Variants in RAB11FIP5 observed in about 807,000 individuals in gnomAD.
RAB11FIP5 encodes the protein RAB11 family interacting protein 5.
RAB11FIP5 carries 48 observed loss-of-function variants against 85.1 expected under a neutral mutation model. The ratio of observed to expected loss-of-function variants is 0.56; its 90% CI spans 0.45 to 0.72. The LOEUF is 0.72. Ranked by LOEUF, RAB11FIP5 falls within the 30% of genes least tolerant of loss-of-function variation. The pLI is 0.00. For synonymous variants in RAB11FIP5, 729 were observed against 727.3 expected, an observed-to-expected ratio of 1.00 and a Z score of -0.04; for missense variants, 1,491 against 1,687.0, an observed-to-expected ratio of 0.88 and a Z score of 2.04.
rs1208934291 is a variant in RAB11FIP5, at chr2:73,079,964, T to C, written c.3268A>G (p.Ile1090Val). The C allele has an allele frequency of 2.4e-6, 3 of 1,232,070 alleles. No individual in the cohort carries two copies. The highest frequency in any genetic ancestry group is 2.0e-6 in the Non-Finnish European group (2 of 988,028). 76.3% of individuals were successfully genotyped at this position (1,232,070 alleles called of 1,614,324 possible). A position where few individuals can be genotyped will look rare whatever the true frequency, so the allele number is the denominator to read the frequency against. Residue 1090 changes from isoleucine (I) to valine (V), a missense_variant, in exon 4 of 6, where the codon ATT (isoleucine) becomes GTT (valine). Physicochemically the swap from Ile to Val is conservative, Grantham distance 29. Coordinates refer to ENST00000486777, the MANE Select transcript of RAB11FIP5 (RefSeq NM_001371272.1). Reference protein sequence around the residue: ...ASPPGSRESSIHSGPEELPTP... With the variant: ...ASPPGSRESSVHSGPEELPTP... ...GGCAGCTCTTCTGGACCAGAATGAATAGAAGATTCCCTCGACCCTGGCGGG... is the reference window on the plus strand; with the variant it reads ...GGCAGCTCTTCTGGACCAGAATGAACAGAAGATTCCCTCGACCCTGGCGGG...
In RAB11FIP5 at chr2:73,112,780, C is replaced by G. The variant is rs1315368590; in HGVS notation, c.-3G>C. ...TCCGCGCCCCGCACCAGGGCCATGG[C>G]GGAGAAGCGGGGGGCGAGGTCTGGC... On this transcript the variant is annotated 5_prime_UTR_variant, in exon 1 of 6. Transcript: ENST00000486777. 7.0e-7 allele frequency: 1 copy of G among 1,424,862 alleles called. No individual in the cohort carries two copies. Among genetic ancestry groups the G allele is most frequent in the Non-Finnish European group, 9.1e-7 (1 of 1,098,146 alleles). 88.3% of individuals were successfully genotyped at this position (1,424,862 alleles called of 1,614,324 possible).
intron 3 of RAB11FIP5, among the ~76,000 whole-genome samples, chr2:73,087,368 C>T (rs1000627100): frequency 6.6e-6 from 1 of 152,196 alleles, no homozygotes; most frequent in Non-Finnish European, 1.5e-5. Flanking sequence ...ATATTCAAAA[C>T]AAAACAGCTG....
intron 1 of RAB11FIP5, among the ~76,000 whole-genome samples, chr2:73,100,678 G>A (rs1286496479): frequency 1.3e-5 from 2 of 152,008 alleles, no homozygotes; most frequent in Non-Finnish European, 2.9e-5. Context: ...CATCTGCCTC[G>A]GCTTCCCAAA....
chr2:73,082,040 C>CTT (rs11409259), intron 3 of RAB11FIP5, among the ~76,000 whole-genome samples: 2,161 of 129,854 alleles, frequency 0.017, 33 homozygotes, highest in Non-Finnish European at 0.021. Context: ...CCTTACATCC[C>CTT]TTTTTTTTTT....
chr2:73,107,963 G>C (rs750659950), intron 1 of RAB11FIP5, among the ~76,000 whole-genome samples: 1 of 152,206 alleles, frequency 6.6e-6, no homozygotes, highest in Non-Finnish European at 1.5e-5. Flanking sequence ...TGTGGGCTAC[G>C]GGATAGATGG....
intron 3 of RAB11FIP5, among the ~76,000 whole-genome samples, chr2:73,087,210 G>A (rs1684107914): frequency 1.3e-5 from 2 of 152,206 alleles, no homozygotes; most frequent in South Asian, 4.1e-4. Context: ...CCCTTGGGAA[G>A]GTGCGACACA....
intron 3 of RAB11FIP5, among the ~76,000 whole-genome samples, chr2:73,085,801 T>C (rs944598456): frequency 2.6e-5 from 4 of 152,194 alleles, no homozygotes; most frequent in African/African-American, 9.6e-5. Context: ...CAGTGCCACA[T>C]GGGAGCACTA....
intron 1 of RAB11FIP5, among the ~76,000 whole-genome samples, chr2:73,101,052 T>C (rs919165006): frequency 3.0e-5 from 4 of 135,460 alleles, no homozygotes; most frequent in African/African-American, 1.1e-4. Context: ...TGGGGGGGAT[T>C]TGGAATGCTG....
chr2:73,089,879 GTA>G lies in RAB11FIP5; in HGVS notation c.432-566_432-565del, dbSNP rs1373397878. ...AATGCTAGTGCATACACTCATGTAT[GTA>G]TACACACACACACACACACACACAC... On this transcript the variant is annotated intron_variant, in intron 1 of 5. Coordinates refer to ENST00000486777, the MANE Select transcript of RAB11FIP5 (RefSeq NM_001371272.1). The surrounding 1 kb of genome is among the most constrained non-coding windows in gnomAD (Gnocchi z 4.6). 1.1e-5 allele frequency among the ~76,000 whole-genome samples: 1 copy of G among 88,558 alleles called. No individual in the cohort carries two copies. Among genetic ancestry groups the G allele is most frequent in the Non-Finnish European group, 2.4e-5 (1 of 42,490 alleles). The allele number at this position is 88,558 out of a possible 152,430, so 58.1% of individuals were successfully genotyped here.
At chr2:73,099,914 G>A (rs910515074) in intron 1 of RAB11FIP5, among the ~76,000 whole-genome samples, 12 of 152,190 alleles carry the variant, frequency 7.9e-5, no homozygotes, top group Non-Finnish European at 1.6e-4. Flanking sequence ...CCACCCTGGG[G>A]ACAAGGAGCC....
rs1683849307 is a variant in RAB11FIP5, at chr2:73,075,899, C to G, written c.3771+94G>C. 1 of 1,493,892 alleles carries G rather than the reference C, an allele frequency of 6.7e-7. No homozygotes were observed. Among genetic ancestry groups the G allele is most frequent in the African/African-American group, 1.4e-5 (1 of 71,908 alleles). The allele number at this position is 1,493,892 out of a possible 1,614,324, so 92.5% of individuals were successfully genotyped here. On this transcript the variant is annotated intron_variant, in intron 5 of 5. Coordinates refer to ENST00000486777, the MANE Select transcript of RAB11FIP5 (RefSeq NM_001371272.1). The surrounding 1 kb of genome is among the most constrained non-coding windows in gnomAD (Gnocchi z 4.6). ...GCTTCAGGACTCTGATATGGGGGAC[C>G]TGGCCTGCTCCCTGCCCCACCCTCA...
In RAB11FIP5 at chr2:73,081,749, G is replaced by A. The variant is rs999564224; in HGVS notation, c.1569-86C>T. On this transcript the variant is annotated intron_variant, in intron 3 of 5. Transcript: ENST00000486777. The surrounding 1 kb of genome is among the most constrained non-coding windows in gnomAD (Gnocchi z 4.2). ...AGTCCCACGCCCCACCCCCTGCTTC[G>A]GGACCAGGGGCCATAACACACACAT... 10 of 1,152,302 alleles carry A rather than the reference G, an allele frequency of 8.7e-6. No homozygotes were observed. The highest frequency in any genetic ancestry group is 4.8e-5 in the African/African-American group (3 of 62,628). 71.4% of individuals were successfully genotyped at this position (1,152,302 alleles called of 1,614,324 possible). A position where few individuals can be genotyped will look rare whatever the true frequency, so the allele number is the denominator to read the frequency against.
In RAB11FIP5 at chr2:73,080,095, A is replaced by T; in HGVS notation, c.3137T>A (p.Leu1046Ter). 1 of 1,232,136 alleles carries T rather than the reference A, an allele frequency of 8.1e-7. No homozygotes were observed. Among genetic ancestry groups the T allele is most frequent in the Non-Finnish European group, 1.0e-6 (1 of 988,014 alleles). 76.3% of individuals were successfully genotyped at this position (1,232,136 alleles called of 1,614,324 possible). Residue 1046 changes from leucine (L) to a stop codon, truncating the protein, a stop_gained, in exon 4 of 6, where the codon TTG (leucine) becomes TAG (stop). Coordinates refer to ENST00000486777, the MANE Select transcript of RAB11FIP5 (RefSeq NM_001371272.1). LOFTEE classifies it high-confidence loss of function. ...ATCAGCCTGCTGGGAGGTGGCTGAC[A>T]AGGACCCAAGCCCCTCTCCTACTGG... ...QDPVGEGLGSLSATSQQADVW... is the reference protein window; with the variant it reads ...QDPVGEGLGS
chr2:73,076,276 G>A, intron 4 of RAB11FIP5, 94 bp from the exon 5 acceptor site: 1 of 1,237,776 alleles, frequency 8.1e-7, no homozygotes, highest in East Asian at 2.3e-5. Context: ...CAGGTCTGCT[G>A]GACAGAAAGC....
intron 1 of RAB11FIP5, among the ~76,000 whole-genome samples, chr2:73,107,870 G>A (rs1394278142): frequency 6.6e-6 from 1 of 152,130 alleles, no homozygotes; most frequent in Non-Finnish European, 1.5e-5. Context: ...TTTCCCGAGG[G>A]GCAGAGTCAC....
In RAB11FIP5 at chr2:73,089,225, G is replaced by A. The variant is rs1251669612; in HGVS notation, c.522C>T (p.Ser174=). ...VTIQFTRNNL[S]ASMFDLSMKD... is the part of the protein sequence containing the mutation. ...TCATGGACAGGTCAAACATACTGGC[G>A]CTCAGGTTGTTGCGCGTGAACTGGA... The change falls in exon 2 of 6, where the codon AGC becomes AGT. Residue 174 remains serine (S), a synonymous_variant. Coordinates refer to ENST00000486777, the MANE Select transcript of RAB11FIP5 (RefSeq NM_001371272.1). The surrounding 1 kb of genome is among the most constrained non-coding windows in gnomAD (Gnocchi z 4.6). 13 of 1,614,026 alleles carry A rather than the reference G, an allele frequency of 8.1e-6. No individual in the cohort carries two copies. The highest frequency in any genetic ancestry group is 6.7e-5 in the East Asian group (3 of 44,876).
Position 73,075,470 on chromosome 2 carries a change from G to T in RAB11FIP5, c.*51C>A. On this transcript the variant is annotated 3_prime_UTR_variant, in exon 6 of 6. Coordinates refer to ENST00000486777, the MANE Select transcript of RAB11FIP5 (RefSeq NM_001371272.1). The surrounding 1 kb of genome is among the most constrained non-coding windows in gnomAD (Gnocchi z 4.6). The stretch of plus-strand genomic sequence containing the variant: ...ATGAGAGAGTTCAGGAGGAGAGAGG[G>T]CAGGCAGCAATAGGTCCATGCCAAC... 1 of 1,544,798 alleles carries T rather than the reference G, an allele frequency of 6.5e-7. No homozygotes were observed. The highest frequency in any genetic ancestry group is 2.2e-5 in the East Asian group (1 of 44,534).
chr2:73,089,126 A>G lies in RAB11FIP5; in HGVS notation c.621T>C (p.Ser207=). The G allele has an allele frequency of 6.8e-6, 11 of 1,614,242 alleles. No homozygotes were observed. The highest frequency in any genetic ancestry group is 9.3e-6 in the Non-Finnish European group (11 of 1,180,028). Residue 207 remains serine (S), a synonymous_variant, in exon 2 of 6, where the codon TCT becomes TCC. Transcript: ENST00000486777. The surrounding 1 kb of genome is among the most constrained non-coding windows in gnomAD (Gnocchi z 4.6). ...MKGKKKYDLE[S]ASAILPSSAI... is the part of the protein sequence containing the mutation. ...CGCTGCTTGGGAGGATGGCAGAGGCAGATTCCAGATCATACTTCTTCTTGC... is the reference window on the plus strand; with the variant it reads ...CGCTGCTTGGGAGGATGGCAGAGGCGGATTCCAGATCATACTTCTTCTTGC...
rs1173028723 is a variant in RAB11FIP5, at chr2:73,079,822, G to C, written c.3410C>G (p.Ser1137Cys). The C allele has an allele frequency of 3.2e-6, 4 of 1,232,268 alleles. No homozygotes were observed. The highest frequency in any genetic ancestry group is 4.0e-6 in the Non-Finnish European group (4 of 988,174). 76.3% of individuals were successfully genotyped at this position (1,232,268 alleles called of 1,614,324 possible). The stretch of plus-strand genomic sequence containing the variant: ...GGCTGGCTCCCCTGGTGGTGCAGAG[G>C]AGGTAGTCAGGGGCCAGGCTTCAGA... Reference protein sequence around the residue: ...PLSEAWPLTTSSAPPGEPALL... With the variant: ...PLSEAWPLTTCSAPPGEPALL... Residue 1137 changes from serine to cysteine, a missense_variant, in exon 4 of 6, where the codon TCC becomes TGC. Ser to Cys is a moderately radical substitution (Grantham distance 112). Coordinates refer to ENST00000486777, the MANE Select transcript of RAB11FIP5 (RefSeq NM_001371272.1).
Sources: allele counts gnomAD v4.1 joint callset (sites outside exome capture counted in the v4.1 genomes callset), GRCh38; gene constraint gnomAD v4.1.1; non-coding constraint Gnocchi (gnomAD v3.1); transcripts MANE v1.5; gene names NCBI Gene and HGNC (gene_info 2026-07-23, HGNC 2026-07-21).